R3HDM1: variants seen among roughly 807,000 people sequenced by gnomAD.
The protein encoded by R3HDM1 is R3H domain containing 1, also known as R3H domain-containing protein 1.
Under a neutral mutation model 141.1 loss-of-function variants are expected in R3HDM1, and 46 were observed. That is an observed-to-expected ratio of 0.33 (90% confidence interval 0.26 to 0.42). The LOEUF is 0.42. Among genes scored for constraint, R3HDM1 ranks in the 10% least tolerant of loss-of-function variants. R3HDM1 has a pLI of 1.00. For synonymous variants in R3HDM1, 435 were observed against 472.9 expected (o/e 0.92, Z 1.04); for missense variants, 1,184 against 1,368.3 (o/e 0.87, Z 2.12).
intron 1 of R3HDM1, chr2:135,583,958 T>C (rs1707327075): frequency 9.1e-6 from 9 of 985,286 alleles, no homozygotes; most frequent in Non-Finnish European, 1.1e-5. Flanking sequence ...TATACTTCTA[T>C]TTTTGCAGAA....
intron 1 of R3HDM1, among the ~76,000 whole-genome samples, chr2:135,571,338 T>A (rs185578427): frequency 6.6e-6 from 1 of 152,234 alleles, no homozygotes; most frequent in East Asian, 1.9e-4. Context: ...ATTTATTTAT[T>A]TTTTAGAGCT....
At chr2:135,612,024 G>T (rs964336627) in intron 3 of R3HDM1, among the ~76,000 whole-genome samples, 1 of 152,162 alleles carries the variant, frequency 6.6e-6, no homozygotes, top group Non-Finnish European at 1.5e-5. Context: ...GAATCTAAGA[G>T]TTAGGCCTTT....
intron 3 of R3HDM1, among the ~76,000 whole-genome samples, chr2:135,611,281 A>G (rs747215332): frequency 2.7e-5 from 4 of 148,888 alleles, no homozygotes; most frequent in Admixed American, 6.7e-5. Context: ...ACAATTAGGC[A>G]TGGCGGCTAC....
In R3HDM1 at chr2:135,645,406, G is replaced by A. The variant is rs769790685; in HGVS notation, c.1502G>A (p.Ser501Asn). 5 of 1,611,640 alleles carry A rather than the reference G, an allele frequency of 3.1e-6. No homozygotes were observed. In the Admixed American group the frequency reaches 8.3e-5, roughly 27 times the overall value. Reference protein sequence around the residue: ...TGQPFINPDGSPVVYNPPMTQ... With the variant: ...TGQPFINPDGNPVVYNPPMTQ... Reference sequence around the variant, plus strand: ...CAGCCCTTCATAAACCCAGATGGGAGTCCAGTTGTGTATAATCCTCCTATG... The same window carrying A: ...CAGCCCTTCATAAACCCAGATGGGAATCCAGTTGTGTATAATCCTCCTATG... The change falls in exon 16 of 27, where the codon AGT (serine) becomes AAT (asparagine). Residue 501 changes from serine to asparagine, a missense_variant. This residue lies in a region of R3HDM1 where 563 missense variants were observed against 562.0 expected (regional missense o/e 1.00). Coordinates refer to ENST00000683871, the MANE Select transcript of R3HDM1 (RefSeq NM_001378107.1).
At chr2:135,633,968 C>T (rs1172112929) in intron 9 of R3HDM1, 2 of 152,138 alleles carry the variant, frequency 1.3e-5, no homozygotes, top group Non-Finnish European at 1.5e-5. Flanking sequence ...CAAATATAAA[C>T]TCCATGAATA....
At chr2:135,684,238 C>A (rs1233750405) in intron 21 of R3HDM1, among the ~76,000 whole-genome samples, 2 of 152,020 alleles carry the variant, frequency 1.3e-5, no homozygotes, top group Non-Finnish European at 2.9e-5. Flanking sequence ...CTATAGGCGC[C>A]CGCCACTACG....
intron 3 of R3HDM1, 112 bp from the exon 4 acceptor site, chr2:135,616,040 A>T: frequency 1.0e-6 from 1 of 965,430 alleles, no homozygotes; most frequent in Non-Finnish European, 1.5e-6. Flanking sequence ...TGATTTCCTC[A>T]CTTTTCATAC....
chr2:135,597,273 C>A, intron 1 of R3HDM1: 1 of 977,926 alleles, frequency 1.0e-6, no homozygotes, highest in Non-Finnish European at 1.2e-6. Flanking sequence ...GGAGTTCATT[C>A]TCTTTACTCT....
intron 1 of R3HDM1, among the ~76,000 whole-genome samples, chr2:135,572,620 A>AT (rs1387598978): frequency 3.9e-5 from 6 of 152,220 alleles, no homozygotes; most frequent in African/African-American, 7.2e-5. Flanking sequence ...TGCTGGGGAA[A>AT]CAGGGTTGTC....
At chr2:135,664,852 A>G (rs2067260919) in intron 19 of R3HDM1, among the ~76,000 whole-genome samples, 1 of 152,252 alleles carries the variant, frequency 6.6e-6, no homozygotes, top group Admixed American at 6.5e-5. Flanking sequence ...AAGAACAACA[A>G]AATAAAAGTC....
At chr2:135,635,695 AC>A (rs1224983363) in intron 9 of R3HDM1, among the ~76,000 whole-genome samples, 194 bp from the exon 10 acceptor site, 1 of 152,200 alleles carries the variant, frequency 6.6e-6, no homozygotes, top group African/African-American at 2.4e-5. Flanking sequence ...TGGCCTCTCA[AC>A]CATAACATGG....
intron 19 of R3HDM1, among the ~76,000 whole-genome samples, chr2:135,668,884 A>G (rs188194431): frequency 6.6e-6 from 1 of 152,318 alleles, no homozygotes; most frequent in African/African-American, 2.4e-5. Flanking sequence ...CTTTTTGAGC[A>G]AAAGCAGCCT....
At chr2:135,721,828 T>A in intron 24 of R3HDM1, 96 bp from the exon 25 acceptor site, 1 of 989,672 alleles carries the variant, frequency 1.0e-6, no homozygotes, top group East Asian at 2.8e-5. Context: ...CCTTAAGTAA[T>A]CCGCCTGCCT....
intron 1 of R3HDM1, among the ~76,000 whole-genome samples, chr2:135,533,291 A>C (rs1412360543): frequency 2.0e-5 from 3 of 152,250 alleles, no homozygotes; most frequent in Admixed American, 2.0e-4. Context: ...AAATAAAGAA[A>C]TAAATACACA....
chr2:135,541,169 G>A (rs13415926), intron 1 of R3HDM1, among the ~76,000 whole-genome samples: 11,832 of 152,006 alleles, frequency 0.078, 1,526 homozygotes, highest in African/African-American at 0.27. Flanking sequence ...TTAAATGAGC[G>A]CTGTCTTCAA....
Position 135,569,718 on chromosome 2 carries a change from C to CTTTT in R3HDM1, c.-249-32775_-249-32772dup, listed in dbSNP as rs139858819. 2.1e-3 allele frequency among the ~76,000 whole-genome samples: 276 copies of CTTTT among 129,074 alleles called. 32 individuals are homozygous for CTTTT. Among genetic ancestry groups the CTTTT allele is most frequent in the African/African-American group, 0.01 (254 of 25,240 alleles). 84.7% of individuals were successfully genotyped at this position (129,074 alleles called of 152,430 possible). A position where few individuals can be genotyped will look rare whatever the true frequency, so the allele number is the denominator to read the frequency against. On this transcript the variant is annotated intron_variant, in intron 1 of 26. Coordinates refer to ENST00000683871, the MANE Select transcript of R3HDM1 (RefSeq NM_001378107.1). ...GAACATACCTTTCATATAGTAAGCTCTTTTTTTTTTGTTGTTGTTTTTTTT... is the reference window on the plus strand; with the variant it reads ...GAACATACCTTTCATATAGTAAGCTCTTTTTTTTTTTTTTGTTGTTGTTTTTTTT...
intron 1 of R3HDM1, among the ~76,000 whole-genome samples, chr2:135,552,982 G>A (rs965176057): frequency 1.3e-5 from 2 of 151,886 alleles, no homozygotes; most frequent in Non-Finnish European, 2.9e-5. Flanking sequence ...GGGCTCAAGC[G>A]ATCCACCTAC....
At position 135,641,511 on chromosome 2, in the gene R3HDM1, A is replaced by T. The variant is rs566603458; in HGVS notation, c.1220-25A>T. On this transcript the variant is annotated intron_variant, in intron 14 of 26. Coordinates refer to ENST00000683871, the MANE Select transcript of R3HDM1 (RefSeq NM_001378107.1). Reference sequence around the variant, plus strand: ...TTTTTATATGAGGTTTAAAAAATCCATATTTTTCATTACTCCTCTTCTAGG... The same window carrying T: ...TTTTTATATGAGGTTTAAAAAATCCTTATTTTTCATTACTCCTCTTCTAGG... 200 of 1,569,510 alleles carry T rather than the reference A, an allele frequency of 1.3e-4. 1 individual carries two copies. In the South Asian group the frequency reaches 2.2e-3, roughly 17 times the overall value.
intron 1 of R3HDM1, among the ~76,000 whole-genome samples, chr2:135,532,374 C>G (rs1230072438): frequency 6.6e-6 from 1 of 152,084 alleles, no homozygotes. Context: ...GTTTTGTTTT[C>G]TTTTGTTGCT....
Sources: allele counts gnomAD v4.1 joint callset (sites outside exome capture counted in the v4.1 genomes callset), GRCh38; gene constraint gnomAD v4.1.1; regional missense constraint gnomAD v4.1.1; transcripts MANE v1.5; gene names NCBI Gene and HGNC (gene_info 2026-07-23, HGNC 2026-07-21).